The following TMEM200A variants were observed in gnomAD, a reference collection of about 807,000 sequenced individuals.
The protein encoded by TMEM200A is transmembrane protein 200A.
A neutral mutation model predicts 24.3 loss-of-function variants in TMEM200A; 12 were observed. That is an observed-to-expected ratio of 0.49 (90% CI 0.32 to 0.80). The LOEUF (loss-of-function observed/expected upper bound fraction) is 0.80. Among genes scored for constraint, TMEM200A ranks in the 30% least tolerant of loss-of-function variants. TMEM200A has a pLI of 0.04. For missense variants in TMEM200A, 545 were observed against 614.4 expected (o/e 0.89, Z 1.19); for synonymous variants, 224 against 224.4 (o/e 1.00, Z 0.02).
chr6:130,403,060 T>C (rs1267522919), intron 2 of TMEM200A, among the ~76,000 whole-genome samples: 15 of 152,108 alleles, frequency 9.9e-5, no homozygotes, highest in Admixed American at 9.8e-4. Flanking sequence ...TCCCTGGCTG[T>C]CCTGCTTCTT....
At chr6:130,415,829 G>GAAA (rs1215863609) in intron 2 of TMEM200A, among the ~76,000 whole-genome samples, 1 of 152,078 alleles carries the variant, frequency 6.6e-6, no homozygotes, top group African/African-American at 2.4e-5. Context: ...CATTATTAGT[G>GAAA]AAAATTCATT....
chr6:130,380,494 G>A (rs1014475237), intron 1 of TMEM200A, among the ~76,000 whole-genome samples: 2 of 152,178 alleles, frequency 1.3e-5, no homozygotes, highest in African/African-American at 4.8e-5. Flanking sequence ...GACTCTGAGG[G>A]CTACCTTGGC....
chr6:130,401,458 CTTCT>C (rs892198733), intron 2 of TMEM200A, among the ~76,000 whole-genome samples: 39 of 119,074 alleles, frequency 3.3e-4, no homozygotes, highest in African/African-American at 1.3e-3. Context: ...TCCTTCCTTC[CTTCT>C]TTCTTTTTCT....
intron 2 of TMEM200A, among the ~76,000 whole-genome samples, chr6:130,398,780 G>A (rs1444819565): frequency 6.6e-6 from 1 of 151,856 alleles, no homozygotes; most frequent in Non-Finnish European, 1.5e-5. Context: ...GACTTCATGT[G>A]TGTCTTCTTC....
At chr6:130,401,899 TATTTTTCC>T (rs970266243) in intron 2 of TMEM200A, among the ~76,000 whole-genome samples, 1 of 151,966 alleles carries the variant, frequency 6.6e-6, no homozygotes, top group Non-Finnish European at 1.5e-5. Context: ...GTTTATGTCC[TATTTTTCC>T]ATTTTTCTTA....
chr6:130,371,017 T>C (rs1583168305), intron 1 of TMEM200A, among the ~76,000 whole-genome samples: 1 of 152,076 alleles, frequency 6.6e-6, no homozygotes, highest in South Asian at 2.1e-4. Flanking sequence ...AGATGATAGG[T>C]TTCCAATTAG....
chr6:130,366,528 AG>A lies in TMEM200A; in HGVS notation c.-81+8del, dbSNP rs1366560450. 77 of 928,786 alleles carry A rather than the reference AG, an allele frequency of 8.3e-5. No individual in the cohort carries two copies. The African/African-American group carries it at 1.4e-3, about 17-fold the overall frequency. The allele number at this position is 928,786 out of a possible 1,614,324, so 57.5% of individuals were successfully genotyped here. On this transcript the variant is annotated splice_donor_5th_base_variant and intron_variant, in intron 1 of 2. Coordinates refer to ENST00000296978, the MANE Select transcript of TMEM200A (RefSeq NM_001258277.2). The surrounding 1 kb of genome is among the most constrained non-coding windows in gnomAD (Gnocchi z 4.4). The stretch of plus-strand genomic sequence containing the variant: ...CAGGGCCCGGTGCTCAGGACAGGTG[AG>A]GGGAAGGAAAGGGTGCTGACGGGAG...
intron 2 of TMEM200A, chr6:130,437,774 A>AT (rs1305860680): frequency 6.6e-6 from 1 of 152,020 alleles, no homozygotes; most frequent in Non-Finnish European, 1.5e-5. Flanking sequence ...ACATGCTCAC[A>AT]TGCAAGCCCA....
chr6:130,424,085 A>G (rs999048501), intron 2 of TMEM200A, among the ~76,000 whole-genome samples: 2 of 151,004 alleles, frequency 1.3e-5, no homozygotes, highest in Non-Finnish European at 2.9e-5. Flanking sequence ...ACTGCATTCT[A>G]AATTCATAAA....
At chr6:130,440,291 CA>C (rs1469684484) in intron 2 of TMEM200A, 115 bp from the exon 3 acceptor site, 1 of 1,044,974 alleles carries the variant, frequency 9.6e-7, no homozygotes, top group Non-Finnish European at 1.3e-6. Flanking sequence ...CCCATTTAAT[CA>C]CATGAAACTG....
chr6:130,365,610 G>T (rs1057322415), upstream of TMEM200A: 45 of 985,468 alleles, frequency 4.6e-5, 1 homozygote, highest in East Asian at 1.4e-3. Context: ...GGGGGAGCCG[G>T]GTCCCTGGCT....
intron 2 of TMEM200A, among the ~76,000 whole-genome samples, chr6:130,386,225 C>A (rs1183152310): frequency 2.0e-5 from 3 of 152,136 alleles, no homozygotes; most frequent in Non-Finnish European, 4.4e-5. Context: ...AGGGACCAAC[C>A]TCATTCACTG....
chr6:130,441,462 G>A lies in TMEM200A; in HGVS notation c.1040G>A (p.Arg347Lys). The change falls in exon 3 of 3, where the codon AGG (arginine) becomes AAG (lysine). Residue 347 changes from arginine to lysine, a missense_variant. Coordinates refer to ENST00000296978, the MANE Select transcript of TMEM200A (RefSeq NM_001258277.2). ...SFQPVSTVLP[R>K]NNSIGESLSS... ...CAGCCCGTCAGCACAGTGCTACCAA[G>A]GAATAATTCCATTGGGGAGTCGTTG... is the stretch of plus-strand genomic sequence containing the variant. 9 of 1,614,056 alleles carry A rather than the reference G, an allele frequency of 5.6e-6. No individual in the cohort carries two copies. Among genetic ancestry groups the A allele is most frequent in the Non-Finnish European group, 6.8e-6 (8 of 1,179,974 alleles).
At chr6:130,365,726 C>A (rs968773774), upstream of TMEM200A, 1 of 985,412 alleles carries the variant, frequency 1.0e-6, no homozygotes, top group Non-Finnish European at 1.2e-6. Context: ...CAAGCGGGTA[C>A]TTTGTTCCCA....
intron 1 of TMEM200A, among the ~76,000 whole-genome samples, chr6:130,381,286 T>C (rs1311324534): frequency 6.6e-6 from 1 of 152,214 alleles, no homozygotes; most frequent in East Asian, 1.9e-4. Context: ...ATGGATGACC[T>C]TCATCAGCAA....
At chr6:130,426,970 A>G (rs1191581021) in intron 2 of TMEM200A, among the ~76,000 whole-genome samples, 6 of 152,210 alleles carry the variant, frequency 3.9e-5, no homozygotes, top group Admixed American at 1.3e-4. Flanking sequence ...TGTGTCATAA[A>G]TAAGTCTTTC....
intron 2 of TMEM200A, among the ~76,000 whole-genome samples, chr6:130,417,822 T>C (rs1234427292): frequency 6.6e-6 from 1 of 152,230 alleles, no homozygotes; most frequent in Non-Finnish European, 1.5e-5. Context: ...AACCTTGTCC[T>C]GGTTGATATT....
intron 2 of TMEM200A, among the ~76,000 whole-genome samples, chr6:130,392,571 G>A (rs1778859792): frequency 6.6e-6 from 1 of 152,136 alleles, no homozygotes; most frequent in Non-Finnish European, 1.5e-5. Flanking sequence ...CTTGATGCCT[G>A]TACAGAGATA....
chr6:130,394,695 T>G (rs963016978), intron 2 of TMEM200A, among the ~76,000 whole-genome samples: 3 of 152,228 alleles, frequency 2.0e-5, no homozygotes, highest in Non-Finnish European at 2.9e-5. Context: ...TACAAAGCAC[T>G]GAATTGAAGA....
Sources: gnomAD v4.1 joint callset for allele counts (sites outside exome capture counted in the v4.1 genomes callset) on GRCh38, gnomAD v4.1.1 for gene constraint, Gnocchi (gnomAD v3.1) non-coding constraint, MANE v1.5 for transcripts, NCBI Gene and HGNC (gene_info 2026-07-23, HGNC 2026-07-21) for gene names.